LCORL: variants seen among roughly 807,000 people sequenced by gnomAD.
The protein encoded by LCORL is ligand-dependent nuclear receptor corepressor-like protein.
Under a neutral mutation model 141.8 loss-of-function variants are expected in LCORL, and 41 were observed. The observed-to-expected ratio is 0.29, with a 90% CI of 0.23 to 0.38. The LOEUF (loss-of-function observed/expected upper bound fraction) is 0.38, where lower values mean the gene tolerates loss of function less well. LCORL is among the 10% of genes least tolerant of loss of function. LCORL has a pLI of 1.00. For synonymous variants in LCORL, 618 were observed against 694.1 expected (o/e 0.89, Z 1.72); for missense variants, 1,759 against 2,035.0 (o/e 0.86, Z 2.61).
Position 18,021,732 on chromosome 4 carries a change from C to T in LCORL, c.20G>A (p.Arg7Lys). 6.6e-7 allele frequency: 1 copy of T among 1,523,340 alleles called. No homozygotes were observed. The highest frequency in any genetic ancestry group is 8.8e-7 in the Non-Finnish European group (1 of 1,135,146). 94.4% of individuals were successfully genotyped at this position (1,523,340 alleles called of 1,614,324 possible). A position where few individuals can be genotyped will look rare whatever the true frequency, so the allele number is the denominator to read the frequency against. ...AGCAGCGGCGGCGGCAGCGGCCATT[C>T]TCTCTCTTCCCTTGTCCATCTGCGT... Residue 7 changes from arginine (R) to lysine (K), a missense_variant, in exon 1 of 8, where the codon AGA (arginine) becomes AAA (lysine). Physicochemically the swap from Arg to Lys is conservative, Grantham distance 26. Transcript: ENST00000635767. This position sits in a 1 kb window ranked among gnomAD's most constrained non-coding sequence, Gnocchi z 5.5.
intron 6 of LCORL, among the ~76,000 whole-genome samples, chr4:17,885,813 G>C (rs1158781556): frequency 6.6e-6 from 1 of 151,818 alleles, no homozygotes. Context: ...TTCTTAGTTT[G>C]TATTCTATAA....
chr4:17,961,373 T>C (rs1027772594), intron 4 of LCORL, among the ~76,000 whole-genome samples: 5 of 152,062 alleles, frequency 3.3e-5, no homozygotes, highest in African/African-American at 9.7e-5. Context: ...TTGGTTTGAG[T>C]AGTTTGGAGA....
chr4:17,870,300 C>T (rs1266918378), intron 7 of LCORL, among the ~76,000 whole-genome samples: 8 of 152,218 alleles, frequency 5.3e-5, no homozygotes, highest in South Asian at 2.1e-4. Flanking sequence ...GATGGGGTCC[C>T]GCTATGTTGC....
chr4:17,905,983 T>C (rs1731545367), intron 5 of LCORL, among the ~76,000 whole-genome samples: 1 of 152,220 alleles, frequency 6.6e-6, no homozygotes, highest in Non-Finnish European at 1.5e-5. Flanking sequence ...TTATACTTTC[T>C]ATCATTGTTA....
intron 1 of LCORL, among the ~76,000 whole-genome samples, chr4:18,004,483 T>A (rs1722474237): frequency 6.6e-6 from 1 of 152,130 alleles, no homozygotes; most frequent in African/African-American, 2.4e-5. Flanking sequence ...CTCATGAAAC[T>A]CATTCACTAT....
intron 4 of LCORL, among the ~76,000 whole-genome samples, chr4:17,945,397 GC>G (rs1738698198): frequency 6.7e-6 from 1 of 149,676 alleles, no homozygotes; most frequent in Non-Finnish European, 1.5e-5. Flanking sequence ...ACACTGACTG[GC>G]TTATAAATTG....
chr4:17,930,736 A>T (rs1475618790), intron 4 of LCORL, among the ~76,000 whole-genome samples: 1 of 152,200 alleles, frequency 6.6e-6, no homozygotes, highest in Admixed American at 6.5e-5. Context: ...CTGTAGTGGT[A>T]TGTATGATTA....
In LCORL at chr4:17,982,760, G is replaced by A. The variant is rs374335598; in HGVS notation, c.155-9875C>T. On this transcript the variant is annotated intron_variant, in intron 1 of 7. Transcript: ENST00000635767. Reference sequence around the variant, plus strand: ...TGACAGTTTCTTTTGCTGTGCAGAAGCTCTTTAATTAGTTCCCATTTGCCA... The same window carrying A: ...TGACAGTTTCTTTTGCTGTGCAGAAACTCTTTAATTAGTTCCCATTTGCCA... Among the ~76,000 whole-genome samples the A allele has an allele frequency of 1.2e-4, 19 of 152,170 alleles. No homozygotes were observed. The East Asian group carries it at 1.5e-3, about 12-fold the overall frequency.
At chr4:17,874,796 C>T (rs1405230026) in exon 7 of LCORL, 1 of 1,233,646 alleles carries the variant, frequency 8.1e-7, no homozygotes, top group Non-Finnish European at 1.0e-6. Flanking sequence ...CTTCCAAACA[C>T]TTTTTTGCAT....
intron 5 of LCORL, 79 bp downstream of exon 5, chr4:17,909,015 T>C (rs1732090615): frequency 2.4e-6 from 3 of 1,270,998 alleles, no homozygotes; most frequent in South Asian, 3.6e-5. Context: ...AATTTCCCTA[T>C]GAATATAAAA....
chr4:17,876,378 C>T (rs1726923109), exon 7 of LCORL: 3 of 1,230,728 alleles, frequency 2.4e-6, no homozygotes, highest in Non-Finnish European at 3.0e-6. Flanking sequence ...TTGGTCTTTA[C>T]CATCAATTTC....
intron 7 of LCORL, among the ~76,000 whole-genome samples, chr4:17,865,965 C>T (rs1312557324): frequency 6.6e-6 from 1 of 152,216 alleles, no homozygotes; most frequent in Non-Finnish European, 1.5e-5. Flanking sequence ...CTGTCCACTT[C>T]CAATTTAAAT....
chr4:17,895,566 A>C (rs1280139859), intron 5 of LCORL, among the ~76,000 whole-genome samples: 1 of 152,204 alleles, frequency 6.6e-6, no homozygotes, highest in African/African-American at 2.4e-5. Context: ...CTGTCGATGG[A>C]CATTTAGGTT....
chr4:17,900,157 G>A (rs1185756010), intron 5 of LCORL, among the ~76,000 whole-genome samples: 1 of 151,688 alleles, frequency 6.6e-6, no homozygotes, highest in Non-Finnish European at 1.5e-5. Context: ...AGCATTTATG[G>A]AACTTCTGAA....
intron 1 of LCORL, among the ~76,000 whole-genome samples, chr4:17,987,650 A>G (rs1019507149): frequency 6.6e-6 from 1 of 152,186 alleles, no homozygotes; most frequent in Non-Finnish European, 1.5e-5. Context: ...CACCATTCCT[A>G]TAACAATTTC....
chr4:17,923,406 A>G (rs184439098), intron 4 of LCORL, among the ~76,000 whole-genome samples: 2 of 152,324 alleles, frequency 1.3e-5, no homozygotes, highest in African/African-American at 4.8e-5. Flanking sequence ...AACACTTTGG[A>G]AGGCCAAGGC....
chr4:17,881,463 T>G (rs1395330612), intron 6 of LCORL: 1 of 858,448 alleles, frequency 1.2e-6, no homozygotes, highest in African/African-American at 1.8e-5. Flanking sequence ...ACCTATAAAC[T>G]ATCAAAAAAT....
intron 7 of LCORL, among the ~76,000 whole-genome samples, chr4:17,850,043 T>C (rs1723446637): frequency 6.6e-6 from 1 of 150,908 alleles, no homozygotes; most frequent in Admixed American, 6.6e-5. Flanking sequence ...GGATTCCCTA[T>C]TTAATAAATG....
chr4:17,955,614 A>C (rs1278821902), intron 4 of LCORL, among the ~76,000 whole-genome samples: 1 of 152,104 alleles, frequency 6.6e-6, no homozygotes, highest in Non-Finnish European at 1.5e-5. Flanking sequence ...TGGAGGTTTG[A>C]GGAGAGAGAG....
Sources: allele counts gnomAD v4.1 joint callset (sites outside exome capture counted in the v4.1 genomes callset), GRCh38; gene constraint gnomAD v4.1.1; non-coding constraint Gnocchi (gnomAD v3.1); transcripts MANE v1.5; gene names NCBI Gene and HGNC (gene_info 2026-07-23, HGNC 2026-07-21).